TBC1D2B: variants seen among roughly 807,000 people sequenced by gnomAD.
TBC1D2B encodes the protein TBC1 domain family member 2B.
A neutral mutation model predicts 100.8 loss-of-function variants in TBC1D2B; 64 were observed. That is an observed-to-expected ratio of 0.64 (90% CI 0.52 to 0.78). TBC1D2B has a LOEUF of 0.78. TBC1D2B is among the 30% of genes least tolerant of loss of function. The pLI is 0.00. For missense variants in TBC1D2B, 1,052 were observed against 1,218.4 expected (o/e 0.86, Z 2.03); for synonymous variants, 480 against 479.7 (o/e 1.00, Z -0.01).
At position 78,068,383 on chromosome 15, in the gene TBC1D2B, CCACACACACACACACA is replaced by C. The variant is rs35403620; in HGVS notation, c.360+8894_360+8909del. On this transcript the variant is annotated intron_variant, in intron 1 of 12. Transcript: ENST00000300584. ...TGAAATGAAAGCACACACACCACAC[CCACACACACACACACA>C]CACACACACACACACACACACAGAG... Among the ~76,000 whole-genome samples the C allele has an allele frequency of 9.8e-5, 14 of 143,110 alleles. 1 individual carries two copies. In the South Asian group the frequency reaches 1.1e-3, roughly 12 times the overall value. The allele number at this position is 143,110 out of a possible 152,430, so 93.9% of individuals were successfully genotyped here. A position where few individuals can be genotyped will look rare whatever the true frequency, so the allele number is the denominator to read the frequency against.
Position 78,013,162 on chromosome 15 carries a change from G to A in TBC1D2B, c.1931C>T (p.Thr644Ile), listed in dbSNP as rs569486767. The change falls in exon 9 of 13, where the codon ACA becomes ATA. Residue 644 changes from threonine to isoleucine, a missense_variant. Transcript: ENST00000300584. ...AGAGCACATCATCTCCCTGTTCACTGTACTTGCAAAATAGTTTTCCCACTT... is the reference window on the plus strand; with the variant it reads ...AGAGCACATCATCTCCCTGTTCACTATACTTGCAAAATAGTTTTCCCACTT... Reference protein sequence around the residue: ...GVKWENYFASTVNREMMCSPE... With the variant: ...GVKWENYFASIVNREMMCSPE... 1 of 1,613,946 alleles carries A rather than the reference G, an allele frequency of 6.2e-7. No homozygotes were observed. The highest frequency in any genetic ancestry group is 1.3e-5 in the African/African-American group (1 of 74,994).
chr15:78,034,632 C>A (rs149579485), intron 3 of TBC1D2B: 6 of 985,092 alleles, frequency 6.1e-6, no homozygotes, highest in Non-Finnish European at 7.2e-6. Context: ...TTCCTCCCAC[C>A]GCGGTTTTGG....
In TBC1D2B at chr15:78,020,810, G is replaced by C. The variant is rs1442450849; in HGVS notation, c.1471-2853C>G. On this transcript the variant is annotated intron_variant, in intron 6 of 12. Transcript: ENST00000300584. ...CTGTGTACCCGTGCAGAGTAAAAGG[G>C]TGGGCACACAGCTGGATGCATAGAT... Among the ~76,000 whole-genome samples the C allele has an allele frequency of 2.0e-5, 3 of 152,208 alleles. 1 individual carries two copies. The highest frequency in any genetic ancestry group is 2.0e-4 in the Admixed American group (3 of 15,280).
At chr15:78,066,716 G>C (rs891740655) in intron 1 of TBC1D2B, among the ~76,000 whole-genome samples, 1 of 152,224 alleles carries the variant, frequency 6.6e-6, no homozygotes, top group African/African-American at 2.4e-5. Flanking sequence ...AGTATAAAAA[G>C]TGGTTCACTT....
intron 1 of TBC1D2B, among the ~76,000 whole-genome samples, chr15:78,062,483 G>C (rs1193464239): frequency 1.3e-5 from 2 of 152,120 alleles, no homozygotes; most frequent in African/African-American, 4.8e-5. Flanking sequence ...ACATATTTTA[G>C]ACTTATATTT....
At chr15:78,045,683 T>C (rs987473127) in intron 2 of TBC1D2B, among the ~76,000 whole-genome samples, 1 of 152,212 alleles carries the variant, frequency 6.6e-6, no homozygotes, top group Non-Finnish European at 1.5e-5. Context: ...GTGGAAATGA[T>C]ATGATGGTCA....
intron 3 of TBC1D2B, among the ~76,000 whole-genome samples, chr15:78,043,946 T>C (rs1455363722): frequency 6.6e-6 from 1 of 151,564 alleles, no homozygotes; most frequent in East Asian, 1.9e-4. Flanking sequence ...GGTAGGAGGA[T>C]TGCTTCGTTC....
At chr15:78,070,143 G>C (rs925848720) in intron 1 of TBC1D2B, among the ~76,000 whole-genome samples, 31 of 152,138 alleles carry the variant, frequency 2.0e-4, no homozygotes, top group African/African-American at 7.2e-4. Flanking sequence ...TTCACTCCTA[G>C]TTGCCACCAG....
At position 78,029,950 on chromosome 15, in the gene TBC1D2B, TG is replaced by T. The variant is rs1487602041; in HGVS notation, c.847+56del. On this transcript the variant is annotated intron_variant, in intron 4 of 12. Coordinates refer to ENST00000300584, the MANE Select transcript of TBC1D2B (RefSeq NM_144572.2). ...TGCTAATAATGTGTCTCCACATCAC[TG>T]GTGGTTAACAGATGGCAGTACAGAG... The T allele has an allele frequency of 6.5e-5, 94 of 1,435,368 alleles. No homozygotes were observed. In the African/African-American group the frequency reaches 9.0e-4, roughly 14 times the overall value. 88.9% of individuals were successfully genotyped at this position (1,435,368 alleles called of 1,614,324 possible).
chr15:78,045,940 T>C (rs958419986), intron 2 of TBC1D2B, among the ~76,000 whole-genome samples: 9 of 152,210 alleles, frequency 5.9e-5, no homozygotes, highest in East Asian at 3.8e-4. Flanking sequence ...TTTCTTTTTT[T>C]TTCCCCCATA....
intron 6 of TBC1D2B, among the ~76,000 whole-genome samples, chr15:78,019,495 G>A (rs533136037): frequency 5.3e-5 from 8 of 151,930 alleles, no homozygotes; most frequent in Admixed American, 1.3e-4. Flanking sequence ...TCAAGTACTT[G>A]TCACGTCATG....
chr15:78,077,344 C>T lies in TBC1D2B; in HGVS notation c.309G>A (p.Glu103=), dbSNP rs2073846702. 1.3e-6 allele frequency: 2 copies of T among 1,538,068 alleles called. No individual in the cohort carries two copies. The highest frequency in any genetic ancestry group is 1.4e-5 in the African/African-American group (1 of 71,244). The change falls in exon 1 of 13, where the codon GAG becomes GAA. Residue 103 remains glutamate (E), a synonymous_variant. Coordinates refer to ENST00000300584, the MANE Select transcript of TBC1D2B (RefSeq NM_144572.2). Reference sequence around the variant, plus strand: ...TGTGCACCTGGAAGTGCGCGGGCGGCTCCGTGCCCGGCTCCGCCGCCTCGT... The same window carrying T: ...TGTGCACCTGGAAGTGCGCGGGCGGTTCCGTGCCCGGCTCCGCCGCCTCGT... The part of the protein sequence containing the change: ...GPDEAAEPGT[E]PPAHFQVHSA...
intron 9 of TBC1D2B, among the ~76,000 whole-genome samples, chr15:78,009,843 C>G (rs28630441): frequency 1.4e-4 from 22 of 151,902 alleles, no homozygotes; most frequent in Non-Finnish European, 2.9e-4. Flanking sequence ...GGCGCGGTGG[C>G]GGGCGCCTGT....
intron 1 of TBC1D2B, among the ~76,000 whole-genome samples, chr15:78,059,365 TG>T (rs1403142479): frequency 5.9e-5 from 9 of 152,356 alleles, no homozygotes; most frequent in East Asian, 3.9e-4. Flanking sequence ...TCCTCAATAC[TG>T]CTGAAATCCC....
chr15:78,064,349 A>C (rs1460200719), intron 1 of TBC1D2B, among the ~76,000 whole-genome samples: 2 of 152,230 alleles, frequency 1.3e-5, no homozygotes, highest in East Asian at 3.8e-4. Flanking sequence ...TTATTAGCCA[A>C]AAGAACAACA....
At chr15:78,054,348 T>C (rs778409884) in intron 1 of TBC1D2B, among the ~76,000 whole-genome samples, 161 bp from the exon 2 acceptor site, 1 of 152,254 alleles carries the variant, frequency 6.6e-6, no homozygotes, top group Non-Finnish European at 1.5e-5. Context: ...TTGCTCATGA[T>C]GAGTTGGTCA....
At chr15:78,064,437 G>A (rs1233377192) in intron 1 of TBC1D2B, among the ~76,000 whole-genome samples, 2 of 152,278 alleles carry the variant, frequency 1.3e-5, no homozygotes, top group Admixed American at 1.3e-4. Flanking sequence ...CTTCTAGAAA[G>A]CAATTTAAAT....
chr15:78,001,793 A>G, intron 11 of TBC1D2B, 53 bp from the exon 12 acceptor site: 1 of 1,549,918 alleles, frequency 6.5e-7, no homozygotes. Context: ...GGGTCCAGGC[A>G]CAAGGCTGGA....
At position 78,003,428 on chromosome 15, in the gene TBC1D2B, A is replaced by G. The variant is rs2071971169; in HGVS notation, c.2451T>C (p.Phe817=). ...GAGTGTAGTCGACTTTGTACTGTTC[A>G]AAGTGGCCATGCAACCGAGGCAGCT... ...SEKLPRLHGH[F]EQYKVDYTLI... The change falls in exon 11 of 13, where the codon TTT becomes TTC. Residue 817 remains phenylalanine (F), a synonymous_variant. Coordinates refer to ENST00000300584, the MANE Select transcript of TBC1D2B (RefSeq NM_144572.2). The G allele has an allele frequency of 2.5e-6, 4 of 1,613,838 alleles. No homozygotes were observed. Among genetic ancestry groups the G allele is most frequent in the Non-Finnish European group, 3.4e-6 (4 of 1,179,756 alleles).
Sources: allele counts gnomAD v4.1 joint callset (sites outside exome capture counted in the v4.1 genomes callset), GRCh38; gene constraint gnomAD v4.1.1; transcripts MANE v1.5; gene names NCBI Gene and HGNC (gene_info 2026-07-23, HGNC 2026-07-21).